SPIRE1: variants seen among roughly 807,000 people sequenced by gnomAD.
SPIRE1 encodes the protein spire type actin nucleation factor 1.
In SPIRE1, 40 loss-of-function variants were observed where a neutral mutation model predicts 94.1. The observed-to-expected ratio is 0.43, with a 90% CI of 0.33 to 0.55. The LOEUF (loss-of-function observed/expected upper bound fraction) is 0.55. SPIRE1 is among the 20% of genes least tolerant of loss of function. SPIRE1 has a pLI of 0.06. For synonymous variants in SPIRE1, 376 were observed against 371.7 expected (o/e 1.01, Z -0.13); for missense variants, 838 against 975.2 (o/e 0.86, Z 1.87).
chr18:12,460,095 TATAAA>T (rs2031717031), intron 12 of SPIRE1, among the ~76,000 whole-genome samples: 1 of 152,208 alleles, frequency 6.6e-6, no homozygotes, highest in African/African-American at 2.4e-5. Flanking sequence ...CATCCACACG[TATAAA>T]TCAGTGATGA....
rs752159679 is a variant in SPIRE1 at position 12,449,762 on chromosome 18, C to T, written c.2147G>A (p.Ser716Asn). The T allele has an allele frequency of 2.5e-6, 4 of 1,614,146 alleles. No homozygotes were observed. The highest frequency in any genetic ancestry group is 2.2e-5 in the South Asian group (2 of 91,080). ...KKFISEIISSSRRSLVLANKR... is the reference protein window; with the variant it reads ...KKFISEIISSNRRSLVLANKR... ...GTTGGCCAACACCAGACTGCGCCGG[C>T]TTGAACTGATGATTTCCGAAATGAA... is the stretch of plus-strand genomic sequence containing the variant. The change falls in exon 17 of 17, where the codon AGC (serine) becomes AAC (asparagine). Residue 716 changes from serine to asparagine, a missense_variant. This residue lies in a region of SPIRE1 where 645 missense variants were observed against 804.7 expected (regional missense o/e 0.80). Coordinates refer to ENST00000409402, the MANE Select transcript of SPIRE1 (RefSeq NM_001128626.2).
chr18:12,494,860 CA>C (rs1197034933), intron 7 of SPIRE1, among the ~76,000 whole-genome samples: 1 of 80,084 alleles, frequency 1.2e-5, no homozygotes, highest in South Asian at 3.8e-4. Context: ...AAAAAAAATA[CA>C]AAAAAAAACA....
intron 6 of SPIRE1, among the ~76,000 whole-genome samples, chr18:12,501,161 T>C (rs1036903846): frequency 6.6e-6 from 1 of 150,386 alleles, no homozygotes; most frequent in Non-Finnish European, 1.5e-5. Context: ...TGAAACATTA[T>C]GCTAAGTCAA....
chr18:12,643,931 A>G (rs1297958170), intron 1 of SPIRE1, among the ~76,000 whole-genome samples: 1 of 151,576 alleles, frequency 6.6e-6, no homozygotes, highest in East Asian at 1.9e-4. Context: ...ACTCACATCT[A>G]TAATCCCAGC....
chr18:12,596,799 T>C (rs551566769), intron 2 of SPIRE1, among the ~76,000 whole-genome samples: 4 of 152,250 alleles, frequency 2.6e-5, no homozygotes, highest in African/African-American at 9.6e-5. Context: ...AATTTGACAT[T>C]TGTAATTTAC....
At chr18:12,488,234 A>G (rs78647501) in intron 8 of SPIRE1, among the ~76,000 whole-genome samples, 1 of 152,298 alleles carries the variant, frequency 6.6e-6, no homozygotes, top group African/African-American at 2.4e-5. Flanking sequence ...TTGAGATGTT[A>G]ATTATTTTTC....
chr18:12,513,233 C>T (rs1436780289), intron 4 of SPIRE1, among the ~76,000 whole-genome samples: 2 of 152,104 alleles, frequency 1.3e-5, no homozygotes, highest in Non-Finnish European at 2.9e-5. Context: ...CAAACTGCAT[C>T]AATTCAACAC....
chr18:12,581,614 G>A (rs1027852840), intron 2 of SPIRE1, among the ~76,000 whole-genome samples: 5 of 152,088 alleles, frequency 3.3e-5, no homozygotes, highest in Admixed American at 6.6e-5. Context: ...CCGTAATCCC[G>A]GCATTCTGGG....
At position 12,591,438 on chromosome 18, in the gene SPIRE1, G is replaced by A. The variant is rs1016430576; in HGVS notation, c.372+43624C>T. Among the ~76,000 whole-genome samples the A allele has an allele frequency of 9.2e-5, 14 of 152,154 alleles. No individual in the cohort carries two copies. The East Asian group carries it at 1.2e-3, about 13-fold the overall frequency. On this transcript the variant is annotated intron_variant, in intron 2 of 16. Coordinates refer to ENST00000409402, the MANE Select transcript of SPIRE1 (RefSeq NM_001128626.2). Reference sequence around the variant, plus strand: ...CTGTAACTTTTACACTGAAGAAGAGGGGGAGCCACTGCAGGTTAGTAGAGG... The same window carrying A: ...CTGTAACTTTTACACTGAAGAAGAGAGGGAGCCACTGCAGGTTAGTAGAGG...
chr18:12,489,248 A>G (rs2033147271), intron 8 of SPIRE1, among the ~76,000 whole-genome samples: 1 of 152,208 alleles, frequency 6.6e-6, no homozygotes, highest in Admixed American at 6.5e-5. Flanking sequence ...AAAGTAAAGA[A>G]AAAAAACATC....
At chr18:12,578,655 A>G (rs1300450460) in intron 2 of SPIRE1, among the ~76,000 whole-genome samples, 1 of 152,222 alleles carries the variant, frequency 6.6e-6, no homozygotes, top group Non-Finnish European at 1.5e-5. Flanking sequence ...CTGTGAACAG[A>G]CTACCAGACT....
At chr18:12,611,439 T>A (rs1228513506) in intron 2 of SPIRE1, among the ~76,000 whole-genome samples, 1 of 152,202 alleles carries the variant, frequency 6.6e-6, no homozygotes, top group Non-Finnish European at 1.5e-5. Context: ...ATATAGTAAG[T>A]AAGAAACTGA....
At chr18:12,573,066 C>G (rs377659655) in intron 2 of SPIRE1, among the ~76,000 whole-genome samples, 1 of 151,988 alleles carries the variant, frequency 6.6e-6, no homozygotes, top group African/African-American at 2.4e-5. Context: ...AAGCCACAGA[C>G]TGGAAGAAAA....
At chr18:12,613,024 T>C (rs12959790) in intron 2 of SPIRE1, among the ~76,000 whole-genome samples, 25,967 of 152,212 alleles carry the variant, frequency 0.17, 2,875 homozygotes, top group Middle Eastern at 0.26. Flanking sequence ...AGTTCACTTA[T>C]TTATCCTATC....
intron 4 of SPIRE1, among the ~76,000 whole-genome samples, chr18:12,525,276 CAAAAA>C (rs1170791088): frequency 2.8e-5 from 2 of 71,500 alleles, no homozygotes; most frequent in African/African-American, 1.1e-4. Context: ...GACTCCGTCT[CAAAAA>C]AAAAAAAAAA....
At chr18:12,485,793 A>G (rs1001633577) in intron 9 of SPIRE1, among the ~76,000 whole-genome samples, 166 bp downstream of exon 9, 9 of 152,156 alleles carry the variant, frequency 5.9e-5, no homozygotes. Flanking sequence ...TCTTTTTTAC[A>G]TATATTGTTT....
chr18:12,482,521 G>T (rs2032880916), intron 9 of SPIRE1, among the ~76,000 whole-genome samples: 1 of 152,122 alleles, frequency 6.6e-6, no homozygotes, highest in South Asian at 2.1e-4. Context: ...TGTATTTTAA[G>T]ATCCATGATT....
At chr18:12,493,985 G>A (rs1387025026) in intron 7 of SPIRE1, among the ~76,000 whole-genome samples, 1 of 152,030 alleles carries the variant, frequency 6.6e-6, no homozygotes, top group African/African-American at 2.4e-5. Context: ...GCTCACTGTG[G>A]TCTTGACCTC....
At chr18:12,573,272 TACA>T (rs1264035562) in intron 2 of SPIRE1, among the ~76,000 whole-genome samples, 9 of 151,984 alleles carry the variant, frequency 5.9e-5, no homozygotes, top group Non-Finnish European at 8.8e-5. Flanking sequence ...AACTGCAAAT[TACA>T]ACGAGATACT....
Sources: allele counts gnomAD v4.1 joint callset (sites outside exome capture counted in the v4.1 genomes callset), GRCh38; gene constraint gnomAD v4.1.1; regional missense constraint gnomAD v4.1.1; transcripts MANE v1.5; gene names NCBI Gene and HGNC (gene_info 2026-07-23, HGNC 2026-07-21).